The following CALCA variants were observed in gnomAD, a reference collection of about 807,000 sequenced individuals.
The protein encoded by CALCA is calcitonin.
A neutral mutation model predicts 6.9 loss-of-function variants in CALCA; 4 were observed. That is an observed-to-expected ratio of 0.58 (90% CI 0.29 to 1.33). CALCA has a LOEUF of 1.33. Ranked by LOEUF, CALCA falls within the 40% of genes most tolerant of loss-of-function variation. The pLI is 0.09. For missense variants in CALCA, 174 were observed against 178.3 expected (o/e 0.98, Z 0.14); for synonymous variants, 78 against 70.0 (o/e 1.11, Z -0.57).
At chr11:14,968,388 C>T, downstream of CALCA, 1 of 1,114,440 alleles carries the variant, frequency 9.0e-7, no homozygotes, top group Non-Finnish European at 1.1e-6. Context: ...AAGGGACCAC[C>T]CACCATATCC....
chr11:14,971,273 A>G (rs1849599070), intron 1 of CALCA, 72 bp from the exon 2 acceptor site: 2 of 999,178 alleles, frequency 2.0e-6, no homozygotes, highest in Admixed American at 1.7e-5. Flanking sequence ...CTTGGCTCCT[A>G]TCCTGGTTTT....
At chr11:14,967,209 T>C (rs1174507403), downstream of CALCA, 1 of 182,774 alleles carries the variant, frequency 5.5e-6, no homozygotes, top group Non-Finnish European at 1.2e-5. Context: ...TAGGTACTAT[T>C]GTAGCCCTCA....
Position 14,971,196 on chromosome 11 carries a change from A to T in CALCA, c.-4T>A, listed in dbSNP as rs1555026461. On this transcript the variant is annotated 5_prime_UTR_variant, in exon 2 of 4. Coordinates refer to ENST00000331587, the MANE Select transcript of CALCA (RefSeq NM_001741.3). ...GGGAGAACTTTTGGAAGCCCATGAC[A>T]CCTCTCTGCAAGGGAAGAATGAGAT... 1 of 1,612,464 alleles carries T rather than the reference A, an allele frequency of 6.2e-7. No homozygotes were observed. The highest frequency in any genetic ancestry group is 1.3e-5 in the African/African-American group (1 of 74,920).
intron 1 of CALCA, 56 bp from the exon 2 acceptor site, chr11:14,971,257 A>AGGT: frequency 9.1e-7 from 1 of 1,101,008 alleles, no homozygotes; most frequent in Non-Finnish European, 1.4e-6. Context: ...CTAGGAGCCC[A>AGGT]CAGACCTTGG....
rs2644689 is a variant in CALCA at position 14,968,970 on chromosome 11, G to T, written c.255C>A (p.Cys85Ter). 17 of 1,613,506 alleles carry T rather than the reference G, an allele frequency of 1.1e-5. No homozygotes were observed. Among genetic ancestry groups the T allele is most frequent in the Admixed American group, 1.7e-5 (1 of 59,988 alleles). ...SSLDSPRSKR[C>*]GNLSTCMLGT... is the part of the protein sequence containing the mutation. ...CCAGCATGCAAGTACTCAGATTACCGCACCGCTTAGATCTGGGGCTGTCCA... is the reference window on the plus strand; with the variant it reads ...CCAGCATGCAAGTACTCAGATTACCTCACCGCTTAGATCTGGGGCTGTCCA... The change falls in exon 4 of 4, where the codon TGC becomes TGA. Residue 85 changes from cysteine (C) to a stop codon, truncating the protein, a stop_gained. Transcript: ENST00000331587. LOFTEE classifies it low-confidence loss of function (END_TRUNC).
rs1191186817 is a variant in CALCA at position 14,968,658 on chromosome 11, C to T, written c.*141G>A. 14 of 1,601,888 alleles carry T rather than the reference C, an allele frequency of 8.7e-6. No individual in the cohort carries two copies. The highest frequency in any genetic ancestry group is 8.5e-5 in the Admixed American group (5 of 58,902). ...ACCTGTGAGTCCTGCTCTCTTTCCT[C>T]CCATCTGAAGTTTGAGACATCCTCT... On this transcript the variant is annotated 3_prime_UTR_variant, in exon 4 of 4. Coordinates refer to ENST00000331587, the MANE Select transcript of CALCA (RefSeq NM_001741.3).
Position 14,969,363 on chromosome 11 carries a change from G to T in CALCA, c.228-366C>A, listed in dbSNP as rs1010042. Among the ~76,000 whole-genome samples, 261 of 152,242 alleles carry T rather than the reference G, an allele frequency of 1.7e-3. 1 individual carries two copies. Among genetic ancestry groups the T allele is most frequent in the African/African-American group, 6.0e-3 (248 of 41,542 alleles). On this transcript the variant is annotated intron_variant, in intron 3 of 3. Transcript: ENST00000331587. ...AGGTACACAGGGATGTGGATCTGGG[G>T]AAGGGTGCTCTCCCTGGCCTCCTGA...
At position 14,969,021 on chromosome 11, in the gene CALCA, C is replaced by T. The variant is rs782746809; in HGVS notation, c.228-24G>A. Reference sequence around the variant, plus strand: ...GGCTGCAGGGAAAACACATACCAGACAGTACCATGCACCAGAATCTGTCCC... The same window carrying T: ...GGCTGCAGGGAAAACACATACCAGATAGTACCATGCACCAGAATCTGTCCC... On this transcript the variant is annotated intron_variant, in intron 3 of 3. Transcript: ENST00000331587. 1.9e-6 allele frequency: 3 copies of T among 1,605,522 alleles called. No homozygotes were observed. In the Admixed American group the frequency reaches 5.0e-5, roughly 27 times the overall value.
At chr11:14,970,146 G>A in intron 2 of CALCA, 71 bp from the exon 3 acceptor site, 2 of 1,588,672 alleles carry the variant, frequency 1.3e-6, no homozygotes, top group East Asian at 2.3e-5. Context: ...AAGCAGCCAG[G>A]CTTCCTGGTC....
At chr11:14,969,894 G>A (rs782634370) in intron 3 of CALCA, 41 bp downstream of exon 3, 7 of 1,611,924 alleles carry the variant, frequency 4.3e-6, no homozygotes, top group Non-Finnish European at 5.9e-6. Flanking sequence ...TGTATGCTGC[G>A]GGGAGAGGAG....
At chr11:14,968,329 T>C (rs1028326536), downstream of CALCA, 2 of 518,282 alleles carry the variant, frequency 3.9e-6, no homozygotes, top group South Asian at 5.5e-5. Flanking sequence ...GTCCTAGAGG[T>C]GCTTACCTGC....
At chr11:14,967,862 G>A (rs549141110), downstream of CALCA, 2 of 1,614,182 alleles carry the variant, frequency 1.2e-6, no homozygotes, top group Middle Eastern at 1.6e-4. Flanking sequence ...ATTCTGATTT[G>A]CAGGATGGAG....
intron 2 of CALCA, 40 bp downstream of exon 2, chr11:14,971,067 T>G: frequency 6.5e-7 from 1 of 1,541,498 alleles, no homozygotes; most frequent in Non-Finnish European, 9.0e-7. Flanking sequence ...GGCATGGAAT[T>G]GTCTGATACC....
chr11:14,967,485 G>C (rs368509313), downstream of CALCA, among the ~76,000 whole-genome samples: 24 of 152,286 alleles, frequency 1.6e-4, no homozygotes, highest in South Asian at 5.0e-3. Context: ...AGGGTTACAA[G>C]GAGAGACTGA....
chr11:14,969,181 G>C (rs1555025944), intron 3 of CALCA, among the ~76,000 whole-genome samples, 184 bp from the exon 4 acceptor site: 1 of 152,172 alleles, frequency 6.6e-6, no homozygotes, highest in Non-Finnish European at 1.5e-5. Context: ...ATGCAGGGAA[G>C]GGCTGGATGG....
chr11:14,970,358 C>A (rs1228059007), intron 2 of CALCA, among the ~76,000 whole-genome samples: 2 of 152,152 alleles, frequency 1.3e-5, no homozygotes, highest in African/African-American at 4.8e-5. Context: ...AAATTAAATG[C>A]AAAAACTTAC....
rs35709504 is a variant in CALCA at position 14,968,910 on chromosome 11, C to T, written c.315G>A (p.Thr105=). The change falls in exon 4 of 4, where the codon ACG becomes ACA. Residue 105 remains threonine, a synonymous_variant. Transcript: ENST00000331587. ...TYTQDFNKFH[T]FPQTAIGVGA... is the part of the protein sequence containing the mutation. ...CAACCCCAATTGCAGTTTGGGGGAA[C>T]GTGTGAAACTTGTTGAAGTCCTGCG... The T allele has an allele frequency of 7.6e-4, 1,233 of 1,614,080 alleles. 7 individuals are homozygous for T. The African/African-American group carries it at 9.0e-3, about 12-fold the overall frequency.
downstream of CALCA, chr11:14,967,888 T>C (rs1555025701): frequency 6.2e-7 from 1 of 1,613,966 alleles, no homozygotes; most frequent in Non-Finnish European, 8.5e-7. Flanking sequence ...AGAGAAGATC[T>C]GTGAGTGAGA....
downstream of CALCA, chr11:14,968,074 C>G: frequency 1.6e-6 from 1 of 611,732 alleles, no homozygotes; most frequent in East Asian, 2.9e-5. Context: ...GTCAGAAAAC[C>G]CAAGGTGACT....
Sources: allele counts gnomAD v4.1 joint callset (sites outside exome capture counted in the v4.1 genomes callset), GRCh38; gene constraint gnomAD v4.1.1; transcripts MANE v1.5; gene names NCBI Gene and HGNC (gene_info 2026-07-23, HGNC 2026-07-21).